Variants in ZNF423 observed in about 807,000 individuals in gnomAD.
The protein encoded by ZNF423 is Ebf-associated zinc finger protein.
A neutral mutation model predicts 95.8 loss-of-function variants in ZNF423; 12 were observed. That is an observed-to-expected ratio of 0.13 (90% CI 0.08 to 0.20). ZNF423 has a LOEUF of 0.20. ZNF423 is among the 10% of genes least tolerant of loss of function. The pLI is 1.00. For missense variants in ZNF423, 1,316 were observed against 1,737.1 expected (o/e 0.76, Z 4.31); for synonymous variants, 749 against 711.9 (o/e 1.05, Z -0.83).
At chr16:49,508,116 G>A (rs1967725754) in intron 7 of ZNF423, among the ~76,000 whole-genome samples, 1 of 152,136 alleles carries the variant, frequency 6.6e-6, no homozygotes, top group African/African-American at 2.4e-5. Context: ...CATATTAGAG[G>A]CATTGTGAGG....
chr16:49,682,696 T>C (rs1027086255), intron 3 of ZNF423, among the ~76,000 whole-genome samples: 1 of 152,154 alleles, frequency 6.6e-6, no homozygotes, highest in Non-Finnish European at 1.5e-5. Flanking sequence ...CTGCCCAGGT[T>C]CAAACACCAT....
At chr16:49,522,979 A>G (rs1027004537) in intron 7 of ZNF423, among the ~76,000 whole-genome samples, 2 of 152,162 alleles carry the variant, frequency 1.3e-5, no homozygotes, top group Non-Finnish European at 2.9e-5. Context: ...ATGGGGCCCC[A>G]TGGGATTCCA....
rs1156712913 is a variant in ZNF423, at chr16:49,842,402, AAGGAAGGAAGGCAGGC to A, written c.40+13317_40+13332del. Among the ~76,000 whole-genome samples the A allele has an allele frequency of 2.1e-3, 267 of 127,316 alleles. 1 individual carries two copies. Among genetic ancestry groups the A allele is most frequent in the African/African-American group, 7.5e-3 (247 of 32,718 alleles). The allele number at this position is 127,316 out of a possible 152,430, so 83.5% of individuals were successfully genotyped here. On this transcript the variant is annotated intron_variant, in intron 1 of 7. Coordinates refer to ENST00000563137, the MANE Select transcript of ZNF423 (RefSeq NM_001379286.1). ...GAAGGAAGGAAGGAAGGAAGGAAGGAAGGAAGGAAGGCAGGCAGGCAGGCAGGCAGGCAGGCAGGCA... is the reference window on the plus strand; with the variant it reads ...GAAGGAAGGAAGGAAGGAAGGAAGGAAGGCAGGCAGGCAGGCAGGCAGGCA...
At chr16:49,607,596 A>T (rs1971580544) in intron 5 of ZNF423, among the ~76,000 whole-genome samples, 2 of 152,326 alleles carry the variant, frequency 1.3e-5, no homozygotes, top group African/African-American at 4.8e-5. Flanking sequence ...AGGGCTGGAT[A>T]ATGGGGTTGT....
chr16:49,803,564 A>G (rs9937497), intron 1 of ZNF423, among the ~76,000 whole-genome samples: 50,789 of 151,914 alleles, frequency 0.33, 8,653 homozygotes, highest in Non-Finnish European at 0.36. Flanking sequence ...GCACCTCTAG[A>G]CTACCTAGAA....
chr16:49,564,132 C>T (rs1293011564), intron 5 of ZNF423, among the ~76,000 whole-genome samples: 1 of 152,124 alleles, frequency 6.6e-6, no homozygotes, highest in Non-Finnish European at 1.5e-5. Flanking sequence ...GAGGACACAG[C>T]AAATTGTTAA....
At chr16:49,775,912 T>G (rs2034112086) in intron 2 of ZNF423, among the ~76,000 whole-genome samples, 1 of 152,240 alleles carries the variant, frequency 6.6e-6, no homozygotes, top group South Asian at 2.1e-4. Context: ...AAACTTAACC[T>G]TCAGTGTAAC....
chr16:49,727,441 C>T (rs1239479956), intron 3 of ZNF423, among the ~76,000 whole-genome samples: 1 of 150,024 alleles, frequency 6.7e-6, no homozygotes. Context: ...CTCACCACAG[C>T]ACTGTCCCAG....
intron 5 of ZNF423, among the ~76,000 whole-genome samples, chr16:49,539,070 G>C (rs1210922656): frequency 3.3e-5 from 5 of 152,166 alleles, no homozygotes; most frequent in Admixed American, 6.5e-5. Flanking sequence ...TGGGAAGAGA[G>C]GTGTCATCCC....
intron 1 of ZNF423, among the ~76,000 whole-genome samples, chr16:49,802,785 AT>A (rs1302315961): frequency 6.6e-6 from 1 of 152,270 alleles, no homozygotes; most frequent in Admixed American, 6.5e-5. Flanking sequence ...AGTTTCTGAC[AT>A]AAGTAATCCA....
intron 3 of ZNF423, among the ~76,000 whole-genome samples, chr16:49,729,673 T>G (rs139374946): frequency 7.0e-6 from 1 of 142,356 alleles, no homozygotes; most frequent in East Asian, 2.0e-4. Context: ...TTATTATTAT[T>G]ATTATTATTA....
chr16:49,663,538 G>A (rs2030363629), intron 3 of ZNF423, among the ~76,000 whole-genome samples: 1 of 152,204 alleles, frequency 6.6e-6, no homozygotes, highest in Non-Finnish European at 1.5e-5. Context: ...GGCTTTTTAG[G>A]TGGCAAAGTC....
At chr16:49,713,634 T>C (rs2032612932) in intron 3 of ZNF423, among the ~76,000 whole-genome samples, 1 of 152,176 alleles carries the variant, frequency 6.6e-6, no homozygotes, top group Non-Finnish European at 1.5e-5. Context: ...ATGGGCCCTT[T>C]ATTAAATGCT....
At chr16:49,552,959 C>G (rs1488385082) in intron 5 of ZNF423, among the ~76,000 whole-genome samples, 1 of 152,124 alleles carries the variant, frequency 6.6e-6, no homozygotes, top group African/African-American at 2.4e-5. Flanking sequence ...CAAGCAAGAA[C>G]AAACAGGAGG....
intron 1 of ZNF423, among the ~76,000 whole-genome samples, chr16:49,798,302 G>A (rs974516321): frequency 1.3e-5 from 2 of 152,152 alleles, no homozygotes; most frequent in Non-Finnish European, 1.5e-5. Flanking sequence ...GAGCTCAGGA[G>A]TTTGAGACCA....
intron 5 of ZNF423, among the ~76,000 whole-genome samples, chr16:49,533,409 G>A (rs1312101436): frequency 1.3e-5 from 2 of 152,202 alleles, no homozygotes; most frequent in East Asian, 3.9e-4. Flanking sequence ...TCGGCCATCT[G>A]GCCAAAGCCT....
At chr16:49,520,920 A>G (rs184375684) in intron 7 of ZNF423, among the ~76,000 whole-genome samples, 2 of 152,350 alleles carry the variant, frequency 1.3e-5, no homozygotes, top group African/African-American at 2.4e-5. Context: ...TATAATTAAA[A>G]TCATTAATTG....
chr16:49,678,448 C>A (rs1302772466), intron 3 of ZNF423, among the ~76,000 whole-genome samples: 1 of 152,180 alleles, frequency 6.6e-6, no homozygotes, highest in Non-Finnish European at 1.5e-5. Context: ...GAGAATATCA[C>A]AAAGTCCCTG....
intron 1 of ZNF423, chr16:49,826,642 G>A (rs958860897): frequency 3.9e-5 from 6 of 152,220 alleles, no homozygotes; most frequent in African/African-American, 1.4e-4. Flanking sequence ...TATGTCTAGT[G>A]CCTGGGACGC....
Sources: allele counts gnomAD v4.1 joint callset (sites outside exome capture counted in the v4.1 genomes callset), GRCh38; gene constraint gnomAD v4.1.1; transcripts MANE v1.5; gene names NCBI Gene and HGNC (gene_info 2026-07-23, HGNC 2026-07-21).